Variants in EFCAB11 observed in about 807,000 individuals in gnomAD.
The protein encoded by EFCAB11 is EF-hand calcium-binding domain-containing protein 11.
EFCAB11 carries 14 observed loss-of-function variants against 23.0 expected under a neutral mutation model. The ratio of observed to expected loss-of-function variants is 0.61; its 90% CI spans 0.40 to 0.95. The LOEUF is 0.95. EFCAB11 is among the 40% of genes least tolerant of loss of function. EFCAB11 has a pLI of 0.00. For missense variants in EFCAB11, 198 were observed against 195.8 expected (o/e 1.01, Z -0.07); for synonymous variants, 65 against 66.6 (o/e 0.98, Z 0.11).
At chr14:89,819,887 A>C (rs1294932734) in intron 5 of EFCAB11, among the ~76,000 whole-genome samples, 5 of 152,220 alleles carry the variant, frequency 3.3e-5, no homozygotes, top group Admixed American at 3.3e-4. Context: ...AAAATGTAAA[A>C]AATAATTTAG....
chr14:89,945,918 T>A (rs533353759), intron 3 of EFCAB11, among the ~76,000 whole-genome samples: 1 of 148,062 alleles, frequency 6.8e-6, no homozygotes, highest in African/African-American at 2.6e-5. Context: ...GGGGATTTTT[T>A]TTTTTTATTT....
chr14:89,880,814 T>C (rs531129438), intron 5 of EFCAB11, among the ~76,000 whole-genome samples: 2 of 152,298 alleles, frequency 1.3e-5, no homozygotes, highest in African/African-American at 4.8e-5. Flanking sequence ...TGTGGGACAG[T>C]ACAGCACAGT....
At position 89,837,857 on chromosome 14, in the gene EFCAB11, G is replaced by A. The variant is rs138791745; in HGVS notation, c.411-40533C>T. Among the ~76,000 whole-genome samples the A allele has an allele frequency of 2.7e-3, 411 of 152,196 alleles. 2 individuals are homozygous for A. The highest frequency in any genetic ancestry group is 5.0e-3 in the Non-Finnish European group (337 of 68,022). On this transcript the variant is annotated intron_variant, in intron 5 of 5. Coordinates refer to ENST00000316738, the MANE Select transcript of EFCAB11 (RefSeq NM_145231.4). ...ATCTAGGGGTGGGGCGGGGAGCTGT[G>A]GGGGTGATATCAGTTTCTTTTTTTT...
At chr14:89,936,186 C>T (rs1490621701) in intron 3 of EFCAB11, among the ~76,000 whole-genome samples, 2 of 151,882 alleles carry the variant, frequency 1.3e-5, no homozygotes, top group African/African-American at 2.4e-5. Flanking sequence ...AGAACTACAT[C>T]GATAATATTT....
intron 5 of EFCAB11, among the ~76,000 whole-genome samples, chr14:89,886,617 C>A (rs1888793678): frequency 6.7e-6 from 1 of 148,892 alleles, no homozygotes; most frequent in South Asian, 2.2e-4. Context: ...GGTTTTTGAT[C>A]AAACACTGAG....
At chr14:89,847,753 AAAAAAAG>A (rs1333470557) in intron 5 of EFCAB11, among the ~76,000 whole-genome samples, 18 of 145,624 alleles carry the variant, frequency 1.2e-4, no homozygotes, top group African/African-American at 4.2e-4. Context: ...AAAAAAAAAA[AAAAAAAG>A]AAAGAAAGAA....
chr14:89,933,377 T>C (rs11159941), intron 3 of EFCAB11, among the ~76,000 whole-genome samples: 32,516 of 152,100 alleles, frequency 0.21, 4,374 homozygotes, highest in African/African-American at 0.36. Context: ...ATAAAAAGAG[T>C]GGTTCATTTT....
chr14:89,953,853 T>A (rs1891297858), intron 2 of EFCAB11, 53 bp downstream of exon 2: 2 of 1,447,944 alleles, frequency 1.4e-6, no homozygotes, highest in Non-Finnish European at 9.6e-7. Flanking sequence ...TTTCTTAGGA[T>A]CCATTCACCT....
rs188455509 is a variant in EFCAB11, at chr14:89,850,610, T to G, written c.411-53286A>C. On this transcript the variant is annotated intron_variant, in intron 5 of 5. Transcript: ENST00000316738. ...ACTTGGGAAACTCCTTTACATTTGT[T>G]TTAAACCTACCTCCATTCTAAGCCC... 3.9e-5 allele frequency among the ~76,000 whole-genome samples: 6 copies of G among 152,354 alleles called. No individual in the cohort carries two copies. In the East Asian group the frequency reaches 7.7e-4, roughly 20 times the overall value.
At chr14:89,938,747 C>T in intron 3 of EFCAB11, among the ~76,000 whole-genome samples, 1 of 151,878 alleles carries the variant, frequency 6.6e-6, no homozygotes, top group East Asian at 1.9e-4. Context: ...CATGGTAAAA[C>T]CTTGTCTCTA....
At chr14:89,914,835 T>G (rs1889786113) in intron 5 of EFCAB11, among the ~76,000 whole-genome samples, 1 of 150,644 alleles carries the variant, frequency 6.6e-6, no homozygotes, top group South Asian at 2.1e-4. Flanking sequence ...TGTAGGGAAA[T>G]TCAAAACCTG....
At chr14:89,920,106 G>T (rs1344351090) in intron 5 of EFCAB11, among the ~76,000 whole-genome samples, 1 of 152,108 alleles carries the variant, frequency 6.6e-6, no homozygotes, top group Non-Finnish European at 1.5e-5. Flanking sequence ...AAATCCTTTG[G>T]TCTTGTGATA....
intron 3 of EFCAB11, among the ~76,000 whole-genome samples, chr14:89,943,828 AAC>A (rs148204333): frequency 8.6e-5 from 13 of 150,306 alleles, no homozygotes; most frequent in Admixed American, 1.3e-4. Context: ...TCTCCAAATA[AAC>A]ACACACACAC....
chr14:89,868,485 A>AT (rs1433648422), intron 5 of EFCAB11, among the ~76,000 whole-genome samples: 1 of 152,216 alleles, frequency 6.6e-6, no homozygotes, highest in Non-Finnish European at 1.5e-5. Flanking sequence ...ATACACCAAG[A>AT]TAAAATACTC....
chr14:89,912,720 G>A (rs1889717997), intron 5 of EFCAB11, among the ~76,000 whole-genome samples: 1 of 152,174 alleles, frequency 6.6e-6, no homozygotes, highest in South Asian at 2.1e-4. Flanking sequence ...ATGATTAATT[G>A]TAATGATGAA....
rs145795405 is a variant in EFCAB11 at position 89,870,661 on chromosome 14, G to A, written c.410+60880C>T. ...AGATTACCATAGCTGGCTGGAAGCG[G>A]TGGCTCATGCCTGTAATCCCAGCAC... On this transcript the variant is annotated intron_variant, in intron 5 of 5. Transcript: ENST00000316738. 1.3e-3 allele frequency among the ~76,000 whole-genome samples: 191 copies of A among 152,106 alleles called. 1 individual carries two copies. The highest frequency in any genetic ancestry group is 4.3e-3 in the African/African-American group (179 of 41,470).
intron 5 of EFCAB11, among the ~76,000 whole-genome samples, chr14:89,798,692 C>G (rs181242723): frequency 3.3e-5 from 5 of 152,116 alleles, no homozygotes; most frequent in African/African-American, 1.2e-4. Flanking sequence ...TGTGTGTGTG[C>G]GAGTGTGCTT....
At chr14:89,930,907 TCA>T (rs1328339468) in intron 5 of EFCAB11, 1 of 152,300 alleles carries the variant, frequency 6.6e-6, no homozygotes, top group African/African-American at 2.4e-5. Flanking sequence ...TGCTGTGTTC[TCA>T]CGTCAGCATG....
intron 5 of EFCAB11, among the ~76,000 whole-genome samples, chr14:89,903,677 G>A (rs184022089): frequency 2.9e-4 from 44 of 152,098 alleles, no homozygotes; most frequent in African/African-American, 8.7e-4. Flanking sequence ...TGTTAATTTT[G>A]GACTACGTTC....
Sources: allele counts gnomAD v4.1 joint callset (sites outside exome capture counted in the v4.1 genomes callset), GRCh38; gene constraint gnomAD v4.1.1; transcripts MANE v1.5; gene names NCBI Gene and HGNC (gene_info 2026-07-23, HGNC 2026-07-21).